Variants in FHIT observed in about 807,000 individuals in gnomAD.
FHIT encodes fragile histidine triad diadenosine triphosphatase, also known as bis(5'-adenosyl)-triphosphatase.
FHIT carries 19 observed loss-of-function variants against 17.9 expected under a neutral mutation model. The observed-to-expected ratio is 1.06, with a 90% CI of 0.74 to 1.56. FHIT has a LOEUF of 1.56. FHIT is among the 40% of genes most tolerant of loss of function. FHIT has a pLI of 0.00. For missense variants in FHIT, 248 were observed against 189.2 expected (o/e 1.31, Z -1.82); for synonymous variants, 81 against 69.7 (o/e 1.16, Z -0.81).
intron 5 of FHIT, among the ~76,000 whole-genome samples, chr3:60,045,071 G>A (rs959401563): frequency 3.9e-5 from 6 of 152,084 alleles, no homozygotes; most frequent in African/African-American, 1.4e-4. Context: ...AAACAAAGAT[G>A]GGGAGTTGTT....
intron 4 of FHIT, among the ~76,000 whole-genome samples, chr3:60,728,700 C>G (rs979703266): frequency 1.5e-5 from 1 of 64,758 alleles, no homozygotes; most frequent in Non-Finnish European, 3.1e-5. Flanking sequence ...TTTTCACACA[C>G]ACATACACAC....
intron 4 of FHIT, among the ~76,000 whole-genome samples, chr3:60,676,628 A>G (rs1375790609): frequency 6.6e-6 from 1 of 152,174 alleles, no homozygotes; most frequent in Admixed American, 6.5e-5. Flanking sequence ...CAACAACTTC[A>G]TACAGCTGCT....
chr3:60,480,863 C>G (rs1051959355), intron 5 of FHIT, among the ~76,000 whole-genome samples: 1 of 152,198 alleles, frequency 6.6e-6, no homozygotes, highest in Non-Finnish European at 1.5e-5. Flanking sequence ...ACAGTGCAAG[C>G]TGTTGGTGGA....
chr3:60,824,647 AT>A (rs1702049718), intron 3 of FHIT, among the ~76,000 whole-genome samples: 1 of 152,116 alleles, frequency 6.6e-6, no homozygotes, highest in Admixed American at 6.5e-5. Flanking sequence ...AACTCCCACA[AT>A]TCCCATGTGT....
chr3:61,232,254 G>T lies in FHIT; in HGVS notation c.-213+19047C>A, dbSNP rs377579408. 1.2e-4 allele frequency among the ~76,000 whole-genome samples: 18 copies of T among 152,230 alleles called. No individual in the cohort carries two copies. In the East Asian group the frequency reaches 2.3e-3, roughly 20 times the overall value. ...ATACAAAAATCATCCAGACACCATG[G>T]TGTACACCTGTAATCCCAGCTTCTT... On this transcript the variant is annotated intron_variant, in intron 1 of 9. Transcript: ENST00000492590.
At chr3:60,644,117 C>T (rs2156977) in intron 4 of FHIT, among the ~76,000 whole-genome samples, 2 of 152,186 alleles carry the variant, frequency 1.3e-5, no homozygotes, top group Admixed American at 6.5e-5. Flanking sequence ...AATACTTCCT[C>T]TTACTATCCT....
At chr3:60,931,366 T>A (rs1449054067) in intron 3 of FHIT, among the ~76,000 whole-genome samples, 3 of 152,214 alleles carry the variant, frequency 2.0e-5, no homozygotes, top group East Asian at 1.9e-4. Context: ...CAGTATAATT[T>A]AAAAAAATAA....
intron 8 of FHIT, among the ~76,000 whole-genome samples, chr3:59,807,031 G>T (rs1700231161): frequency 6.6e-6 from 1 of 152,080 alleles, no homozygotes; most frequent in African/African-American, 2.4e-5. Flanking sequence ...ATCTTCAGTG[G>T]GCTAGTATGG....
intron 4 of FHIT, among the ~76,000 whole-genome samples, chr3:60,726,005 C>A (rs1006736187): frequency 1.1e-4 from 16 of 152,246 alleles, no homozygotes; most frequent in African/African-American, 3.6e-4. Flanking sequence ...AGGAATGGCA[C>A]TGGAAAGTGG....
At chr3:61,055,519 C>A (rs1050870249) in intron 2 of FHIT, among the ~76,000 whole-genome samples, 1 of 152,196 alleles carries the variant, frequency 6.6e-6, no homozygotes, top group Non-Finnish European at 1.5e-5. Flanking sequence ...CAAGCTCCAA[C>A]CACGTGCTAG....
At chr3:61,242,148 T>A (rs2040388076) in intron 1 of FHIT, among the ~76,000 whole-genome samples, 1 of 152,166 alleles carries the variant, frequency 6.6e-6, no homozygotes, top group African/African-American at 2.4e-5. Context: ...CTGTATGCAT[T>A]TTCTATGAGT....
chr3:60,057,049 C>T (rs1484022941), intron 5 of FHIT, among the ~76,000 whole-genome samples: 2 of 152,100 alleles, frequency 1.3e-5, no homozygotes, highest in Admixed American at 1.3e-4. Flanking sequence ...AGGAACACAT[C>T]CACTATTATG....
At chr3:60,201,294 A>G (rs1702893093) in intron 5 of FHIT, among the ~76,000 whole-genome samples, 1 of 152,094 alleles carries the variant, frequency 6.6e-6, no homozygotes, top group Non-Finnish European at 1.5e-5. Context: ...TTCAATCATC[A>G]TTCTAAATTC....
At position 60,762,878 on chromosome 3, in the gene FHIT, G is replaced by A. The variant is rs145285374; in HGVS notation, c.-18+59041C>T. On this transcript the variant is annotated intron_variant, in intron 4 of 9. Transcript: ENST00000492590. The stretch of plus-strand genomic sequence containing the variant: ...ATCAACTGTTCCTTGGGTATTTATT[G>A]TGTTGGCCTAACCTGCAGATTTTGG... Among the ~76,000 whole-genome samples, 5 of 152,274 alleles carry A rather than the reference G, an allele frequency of 3.3e-5. No individual in the cohort carries two copies. The East Asian group carries it at 9.7e-4, about 29-fold the overall frequency.
chr3:60,789,106 C>CTATA (rs35388402), intron 4 of FHIT, among the ~76,000 whole-genome samples: 124 of 135,924 alleles, frequency 9.1e-4, no homozygotes, highest in African/African-American at 2.9e-3. Flanking sequence ...AGTTGAATAT[C>CTATA]TATATGTATA....
intron 5 of FHIT, among the ~76,000 whole-genome samples, chr3:60,164,176 G>A (rs1701056576): frequency 6.6e-6 from 1 of 152,174 alleles, no homozygotes; most frequent in Non-Finnish European, 1.5e-5. Context: ...GCAGAGTTCA[G>A]GTCAGGGGAA....
chr3:60,279,533 G>A (rs541066428), intron 5 of FHIT, among the ~76,000 whole-genome samples: 2 of 152,204 alleles, frequency 1.3e-5, no homozygotes, highest in African/African-American at 4.8e-5. Context: ...AGGTAAAGCA[G>A]AGGGAACACT....
intron 4 of FHIT, among the ~76,000 whole-genome samples, chr3:60,806,251 G>C (rs912904771): frequency 1.3e-5 from 2 of 152,174 alleles, no homozygotes; most frequent in Non-Finnish European, 2.9e-5. Context: ...ACCCCAGGCA[G>C]CAGCCACAAC....
rs180921308 is a variant in FHIT, at chr3:59,946,267, T to G, written c.280-23853A>C. On this transcript the variant is annotated intron_variant, in intron 7 of 9. Coordinates refer to ENST00000492590, the MANE Select transcript of FHIT (RefSeq NM_002012.4). ...ATGGTTAGATGTATTAGGTATTTTTTTGTGTGTGTTTGACTATTGTGAATG... is the reference window on the plus strand; with the variant it reads ...ATGGTTAGATGTATTAGGTATTTTTGTGTGTGTGTTTGACTATTGTGAATG... Among the ~76,000 whole-genome samples, 90 of 152,332 alleles carry G rather than the reference T, an allele frequency of 5.9e-4. No homozygotes were observed. In the Middle Eastern group the frequency reaches 0.01, roughly 17 times the overall value.
Sources: gnomAD v4.1 joint callset for allele counts (sites outside exome capture counted in the v4.1 genomes callset) on GRCh38, gnomAD v4.1.1 for gene constraint, MANE v1.5 for transcripts, NCBI Gene and HGNC (gene_info 2026-07-23, HGNC 2026-07-21) for gene names.